Variants in PAFAH1B1 observed in about 807,000 individuals in gnomAD.
The protein encoded by PAFAH1B1 is platelet-activating factor acetylhydrolase IB subunit beta.
In PAFAH1B1, 2 loss-of-function variants were observed where a neutral mutation model predicts 57.5. The ratio of observed to expected loss-of-function variants is 0.03; its 90% confidence interval spans 0.01 to 0.11. The LOEUF (loss-of-function observed/expected upper bound fraction) is 0.11. PAFAH1B1 is among the 10% of genes least tolerant of loss of function. PAFAH1B1 has a pLI of 1.00. For missense variants in PAFAH1B1, 257 were observed against 512.0 expected (o/e 0.50, Z 4.81); for synonymous variants, 152 against 169.6 (o/e 0.90, Z 0.81).
chr17:2,677,290 C>T (rs529585537), intron 9 of PAFAH1B1, among the ~76,000 whole-genome samples: 68 of 152,282 alleles, frequency 4.5e-4, no homozygotes, highest in Non-Finnish European at 7.5e-4. Context: ...GTTATACCTC[C>T]TTGCTCACAT....
intron 1 of PAFAH1B1, among the ~76,000 whole-genome samples, chr17:2,616,442 G>C (rs1470758021): frequency 6.6e-6 from 1 of 152,238 alleles, no homozygotes; most frequent in East Asian, 1.9e-4. Flanking sequence ...TGACAGGCCG[G>C]GGACCTGGGG....
intron 1 of PAFAH1B1, among the ~76,000 whole-genome samples, chr17:2,630,262 A>T (rs2068538879): frequency 6.6e-6 from 1 of 152,126 alleles, no homozygotes; most frequent in East Asian, 1.9e-4. Context: ...ATTTGTTTCA[A>T]GATTTAGAGC....
Position 2,680,174 on chromosome 17 carries a change from A to G in PAFAH1B1, c.1013A>G (p.Asp338Gly), listed in dbSNP as rs2069357841. The G allele has an allele frequency of 6.2e-7, 1 of 1,614,096 alleles. No individual in the cohort carries two copies. The highest frequency in any genetic ancestry group is 1.7e-5 in the Admixed American group (1 of 60,020). ...TTTTTTGTTTTTAAGGTGGGTCATG[A>G]TAACTGGGTACGTGGAGTTCTGTTC... ...GMCLMTLVGH[D>G]NWVRGVLFHS... Residue 338 changes from aspartate (D) to glycine (G), a missense_variant, in exon 10 of 11, where the codon GAT becomes GGT. Transcript: ENST00000397195.
rs1388796807 is a variant in PAFAH1B1 at position 2,684,248 on chromosome 17, C to G, written c.*2446C>G. On this transcript the variant is annotated 3_prime_UTR_variant, in exon 11 of 11. Coordinates refer to ENST00000397195, the MANE Select transcript of PAFAH1B1 (RefSeq NM_000430.4). ...TGGGGGAGAGCAGTCCGTCTACAAC[C>G]TGGAATCAGATTTGCAAAATTTCCT... The G allele has an allele frequency of 6.6e-6, 1 of 152,640 alleles. No homozygotes were observed. The highest frequency in any genetic ancestry group is 2.4e-5 in the African/African-American group (1 of 41,420). 9.5% of individuals were successfully genotyped at this position (152,640 alleles called of 1,614,324 possible).
intron 1 of PAFAH1B1, among the ~76,000 whole-genome samples, chr17:2,608,500 A>G (rs1396069375): frequency 6.6e-6 from 1 of 152,196 alleles, no homozygotes; most frequent in East Asian, 1.9e-4. Flanking sequence ...TGCTAGTGAG[A>G]TGATATGATG....
chr17:2,615,275 G>C (rs2068323789), intron 1 of PAFAH1B1, among the ~76,000 whole-genome samples: 1 of 152,030 alleles, frequency 6.6e-6, no homozygotes. Flanking sequence ...TGGTATCCGG[G>C]GGGTCCTGGA....
intron 5 of PAFAH1B1, among the ~76,000 whole-genome samples, chr17:2,669,747 T>G (rs1212087326): frequency 6.6e-6 from 1 of 152,078 alleles, no homozygotes; most frequent in African/African-American, 2.4e-5. Context: ...CCTCTGAAGC[T>G]CCTTCCCTTC....
intron 2 of PAFAH1B1, among the ~76,000 whole-genome samples, chr17:2,646,425 A>G (rs1200806344): frequency 3.1e-5 from 3 of 95,700 alleles, no homozygotes; most frequent in Middle Eastern, 5.0e-3. Flanking sequence ...TGCTGGGCGC[A>G]GTGGATCACT....
chr17:2,611,696 C>G (rs534888619), intron 1 of PAFAH1B1, among the ~76,000 whole-genome samples: 3 of 152,084 alleles, frequency 2.0e-5, no homozygotes, highest in Non-Finnish European at 4.4e-5. Context: ...GAGAGTACGT[C>G]TTTACTCTCT....
chr17:2,622,084 T>TC (rs1479535085), intron 1 of PAFAH1B1, among the ~76,000 whole-genome samples: 2 of 152,030 alleles, frequency 1.3e-5, no homozygotes, highest in Non-Finnish European at 2.9e-5. Context: ...TTCAGTTACC[T>TC]CCCCCTGGGT....
intron 2 of PAFAH1B1, among the ~76,000 whole-genome samples, chr17:2,648,198 G>C (rs2068794782): frequency 3.9e-5 from 6 of 152,046 alleles, no homozygotes; most frequent in Admixed American, 3.9e-4. Context: ...GATCTCATGA[G>C]AGCTTACTAT....
At chr17:2,618,669 CAG>C (rs984069219) in intron 1 of PAFAH1B1, among the ~76,000 whole-genome samples, 28 of 151,770 alleles carry the variant, frequency 1.8e-4, no homozygotes, top group Non-Finnish European at 3.7e-4. Context: ...TATTTTGAGA[CAG>C]AGTTTCGCTC....
chr17:2,669,052 AAGT>A (rs1255366970), intron 5 of PAFAH1B1, among the ~76,000 whole-genome samples: 2 of 152,120 alleles, frequency 1.3e-5, no homozygotes, highest in East Asian at 1.9e-4. Context: ...GATTTTGATA[AAGT>A]AGTCATTCTC....
chr17:2,633,937 A>G (rs1289266351), intron 1 of PAFAH1B1, among the ~76,000 whole-genome samples: 1 of 138,452 alleles, frequency 7.2e-6, no homozygotes, highest in East Asian at 2.1e-4. Context: ...TTCAGAAAAC[A>G]TTTCTAAATA....
rs557224273 is a variant in PAFAH1B1 at position 2,610,318 on chromosome 17, AAAAGAT to A, written c.-191+16323_-191+16328del. The stretch of plus-strand genomic sequence containing the variant: ...GTAAGGAGAAAGAAGAAACAAAAAC[AAAAGAT>A]AAAGATAAAGTCAAGTCAGGATGTA... On this transcript the variant is annotated intron_variant, in intron 1 of 10. Transcript: ENST00000397195. 5.5e-3 allele frequency among the ~76,000 whole-genome samples: 834 copies of A among 152,356 alleles called. 5 individuals carry two copies. The highest frequency in any genetic ancestry group is 0.016 in the South Asian group (76 of 4,828).
At chr17:2,629,207 A>G (rs1295214304) in intron 1 of PAFAH1B1, among the ~76,000 whole-genome samples, 1 of 151,972 alleles carries the variant, frequency 6.6e-6, no homozygotes, top group Non-Finnish European at 1.5e-5. Context: ...GTGCTCTTTC[A>G]GACTTTTTGA....
chr17:2,674,331 C>G, intron 8 of PAFAH1B1, 43 bp downstream of exon 8: 1 of 1,431,716 alleles, frequency 7.0e-7, no homozygotes, highest in Non-Finnish European at 9.9e-7. Context: ...TTGCTGATAT[C>G]TGAAGTCCTT....
chr17:2,598,892 C>G (rs1479463835), intron 1 of PAFAH1B1, among the ~76,000 whole-genome samples: 1 of 152,154 alleles, frequency 6.6e-6, no homozygotes, highest in East Asian at 1.9e-4. Flanking sequence ...AGTTTAACTT[C>G]TGTTACATAT....
chr17:2,616,409 A>G (rs1567529612), intron 1 of PAFAH1B1, among the ~76,000 whole-genome samples: 1 of 152,176 alleles, frequency 6.6e-6, no homozygotes, highest in Admixed American at 6.6e-5. Flanking sequence ...AAGGCTTGCA[A>G]GTTCAAAATC....
Sources: gnomAD v4.1 joint callset for allele counts (sites outside exome capture counted in the v4.1 genomes callset) on GRCh38, gnomAD v4.1.1 for gene constraint, MANE v1.5 for transcripts, NCBI Gene and HGNC (gene_info 2026-07-23, HGNC 2026-07-21) for gene names.